Variants in HSP90AA1 observed in about 807,000 individuals in gnomAD.
HSP90AA1 encodes heat shock protein HSP 90-alpha.
In HSP90AA1, 18 loss-of-function variants were observed where a neutral mutation model predicts 73.3. That is an observed-to-expected ratio of 0.25 (90% CI 0.17 to 0.36). The LOEUF (loss-of-function observed/expected upper bound fraction) is 0.36, where lower values mean the gene tolerates loss of function less well. HSP90AA1 is among the 10% of genes least tolerant of loss of function. The probability of loss-of-function intolerance (pLI) is 1.00; values close to 1 mark genes in which losing one functional copy is unlikely to be tolerated. For missense variants in HSP90AA1, 704 were observed against 874.2 expected (o/e 0.81, Z 2.45); for synonymous variants, 477 against 296.9 (o/e 1.61, Z -6.24).
intron 1 of HSP90AA1, among the ~76,000 whole-genome samples, chr14:102,127,704 T>C (rs2049856344): frequency 6.6e-6 from 1 of 152,280 alleles, no homozygotes; most frequent in East Asian, 1.9e-4. Flanking sequence ...CAGGCTGGAA[T>C]GCAGTGTTAT....
chr14:102,082,997 G>T (rs748702121), intron 9 of HSP90AA1, 37 bp downstream of exon 9: 3 of 1,594,634 alleles, frequency 1.9e-6, no homozygotes, highest in East Asian at 2.2e-5. Context: ...AAGCACCTTA[G>T]AAGTATCAAT....
chr14:102,118,222 C>T (rs1184340296), intron 1 of HSP90AA1, among the ~76,000 whole-genome samples: 1 of 152,210 alleles, frequency 6.6e-6, no homozygotes, highest in African/African-American at 2.4e-5. Context: ...GTGCCACCAG[C>T]CACAGAGGTT....
chr14:102,097,263 G>A (rs1053384261), intron 2 of HSP90AA1, among the ~76,000 whole-genome samples: 3 of 151,604 alleles, frequency 2.0e-5, no homozygotes, highest in Non-Finnish European at 4.4e-5. Flanking sequence ...TGGGATTACA[G>A]GTATGAGCCA....
rs2049097709 is a variant in HSP90AA1 at position 102,081,503 on chromosome 14, T to C, written c.*209A>G. On this transcript the variant is annotated 3_prime_UTR_variant, in exon 11 of 11. Transcript: ENST00000216281. ...CCCAATCTGTGAAAATAAACCAACATGAAACTCAAAAAGCATTACTAGCTC... is the reference window on the plus strand; with the variant it reads ...CCCAATCTGTGAAAATAAACCAACACGAAACTCAAAAAGCATTACTAGCTC... 3 of 598,254 alleles carry C rather than the reference T, an allele frequency of 5.0e-6. No individual in the cohort carries two copies. Among genetic ancestry groups the C allele is most frequent in the Admixed American group, 3.0e-5 (1 of 33,854 alleles). 37.1% of individuals were successfully genotyped at this position (598,254 alleles called of 1,614,324 possible). A position where few individuals can be genotyped will look rare whatever the true frequency, so the allele number is the denominator to read the frequency against.
upstream of HSP90AA1, among the ~76,000 whole-genome samples, chr14:102,088,949 C>T (rs1189821630): frequency 3.3e-5 from 5 of 151,634 alleles, no homozygotes; most frequent in Admixed American, 3.3e-4. Context: ...CTTGGTCCCC[C>T]AGGCTCGAGG....
At chr14:102,128,949 C>G (rs1290572529) in intron 1 of HSP90AA1, among the ~76,000 whole-genome samples, 1 of 152,120 alleles carries the variant, frequency 6.6e-6, no homozygotes, top group Non-Finnish European at 1.5e-5. Context: ...CCCAAGTTTT[C>G]TTGGTTCTCA....
At chr14:102,112,168 A>G (rs2049650220) in intron 1 of HSP90AA1, among the ~76,000 whole-genome samples, 1 of 152,094 alleles carries the variant, frequency 6.6e-6, no homozygotes, top group South Asian at 2.1e-4. Context: ...GTGGTCTTCT[A>G]TTATATGCTC....
chr14:102,126,450 G>A, intron 1 of HSP90AA1, among the ~76,000 whole-genome samples: 1 of 152,134 alleles, frequency 6.6e-6, no homozygotes, highest in South Asian at 2.1e-4. Flanking sequence ...TCTTAAAGCG[G>A]AAAAAGAATG....
chr14:102,101,775 G>T, intron 2 of HSP90AA1: 1 of 925,996 alleles, frequency 1.1e-6, no homozygotes, highest in Non-Finnish European at 1.7e-6. Flanking sequence ...GAGTGACATT[G>T]TTTTAGCTTT....
intron 1 of HSP90AA1, among the ~76,000 whole-genome samples, chr14:102,115,797 TG>T (rs953263393): frequency 2.0e-5 from 3 of 152,112 alleles, no homozygotes; most frequent in African/African-American, 7.2e-5. Context: ...TTTTTAGAGA[TG>T]GGGTCTCCCT....
intron 1 of HSP90AA1, among the ~76,000 whole-genome samples, chr14:102,111,805 C>T (rs2049645718): frequency 6.6e-6 from 1 of 152,184 alleles, no homozygotes; most frequent in South Asian, 2.1e-4. Flanking sequence ...TGGGATCCAT[C>T]AATGAACAAC....
intron 1 of HSP90AA1, among the ~76,000 whole-genome samples, chr14:102,134,099 C>T (rs1042710335): frequency 3.3e-5 from 5 of 150,898 alleles, no homozygotes; most frequent in African/African-American, 9.8e-5. Context: ...TGCAGTGAGC[C>T]GAGATTACGC....
At chr14:102,090,462 T>G (rs2152616127), upstream of HSP90AA1, among the ~76,000 whole-genome samples, 1 of 76,062 alleles carries the variant, frequency 1.3e-5, no homozygotes, top group East Asian at 4.6e-4. Flanking sequence ...TTCTTTTTTT[T>G]TTTTTGAGAC....
chr14:102,089,790 A>T (rs1402396926), upstream of HSP90AA1, among the ~76,000 whole-genome samples: 1 of 152,052 alleles, frequency 6.6e-6, no homozygotes, highest in Admixed American at 6.6e-5. Flanking sequence ...CGGATCTGGC[A>T]CTGAGTCCTG....
chr14:102,134,536 G>A (rs2049955662), intron 1 of HSP90AA1, among the ~76,000 whole-genome samples: 1 of 152,076 alleles, frequency 6.6e-6, no homozygotes, highest in Non-Finnish European at 1.5e-5. Flanking sequence ...TGTTCCTTCT[G>A]ATGTTCGGTT....
At position 102,086,347 on chromosome 14, in the gene HSP90AA1, G is replaced by A. The variant is rs141159161; in HGVS notation, c.32C>T (p.Pro11Leu). Residue 11 changes from proline (P) to leucine (L), a missense_variant, in exon 2 of 11, where the codon CCG becomes CTG. Pro to Leu is a moderately conservative substitution (Grantham distance 98, BLOSUM62 -3). Transcript: ENST00000216281. ...CGTCTCAACCTCCTCCTCCTCCATC[G>A]GTTGGTCTTGGGTCTGGGTTTCCTC... Reference protein sequence around the residue: MPEETQTQDQPMEEEEVETFA... With the variant: MPEETQTQDQLMEEEEVETFA... 156 of 1,614,124 alleles carry A rather than the reference G, an allele frequency of 9.7e-5. No homozygotes were observed. The highest frequency in any genetic ancestry group is 1.2e-4 in the Non-Finnish European group (143 of 1,180,024).
chr14:102,081,807 C>T lies in HSP90AA1; in HGVS notation c.2104G>A (p.Asp702Asn), dbSNP rs2049105831. 1.3e-6 allele frequency: 2 copies of T among 1,502,896 alleles called. No homozygotes were observed. Among genetic ancestry groups the T allele is most frequent in the African/African-American group, 2.8e-5 (2 of 72,680 alleles). 93.1% of individuals were successfully genotyped at this position (1,502,896 alleles called of 1,614,324 possible). Residue 702 changes from aspartate (D) to asparagine (N), a missense_variant, in exon 11 of 11, where the codon GAC becomes AAC. Asp to Asn is a conservative substitution (Grantham distance 23). Coordinates refer to ENST00000216281, the MANE Select transcript of HSP90AA1 (RefSeq NM_005348.4). ...GCACTGGTATCATCAGCAGTAGGGT[C>T]ATCTTCATCAATACCTGTTTCCAAA... The part of the protein sequence containing the change: ...IKLGLGIDED[D>N]PTADDTSAAV...
intron 1 of HSP90AA1, among the ~76,000 whole-genome samples, chr14:102,134,910 C>T (rs1293303645): frequency 6.6e-6 from 1 of 152,188 alleles, no homozygotes; most frequent in African/African-American, 2.4e-5. Flanking sequence ...TTGGTAGAGC[C>T]GAGTGGCCTG....
chr14:102,084,113 A>G (rs1351292513), intron 6 of HSP90AA1, 130 bp from the exon 7 acceptor site: 6 of 827,596 alleles, frequency 7.2e-6, no homozygotes, highest in African/African-American at 1.7e-5. Context: ...TCTGTTGCCC[A>G]GGCTGGAGGG....
Sources: allele counts gnomAD v4.1 joint callset (sites outside exome capture counted in the v4.1 genomes callset), GRCh38; gene constraint gnomAD v4.1.1; transcripts MANE v1.5; gene names NCBI Gene and HGNC (gene_info 2026-07-23, HGNC 2026-07-21).